ZBTB11: variants seen among roughly 807,000 people sequenced by gnomAD.
ZBTB11 encodes zinc finger and BTB domain-containing protein 11.
A neutral mutation model predicts 113.1 loss-of-function variants in ZBTB11; 68 were observed. That is an observed-to-expected ratio of 0.60 (90% CI 0.49 to 0.74). ZBTB11 has a LOEUF of 0.74. Ranked by LOEUF, ZBTB11 falls within the 30% of genes least tolerant of loss-of-function variation. ZBTB11 has a pLI of 0.00. For synonymous variants in ZBTB11, 518 were observed against 452.6 expected (o/e 1.14, Z -1.83); for missense variants, 1,104 against 1,279.4 (o/e 0.86, Z 2.09).
chr3:101,671,080 T>A, intron 3 of ZBTB11, 50 bp downstream of exon 3: 1 of 1,496,526 alleles, frequency 6.7e-7, no homozygotes, highest in Middle Eastern at 1.7e-4. Flanking sequence ...TATCCCCCTC[T>A]TCTAGAATGT....
In ZBTB11 at chr3:101,665,706, T is replaced by C; in HGVS notation, c.881A>G (p.His294Arg). The change falls in exon 4 of 11, where the codon CAT becomes CGT. Residue 294 changes from histidine (H) to arginine (R), a missense_variant. Physicochemically the swap from His to Arg is conservative, Grantham distance 29. This residue lies in a region of ZBTB11 where 86 missense variants were observed against 131.0 expected (regional missense o/e 0.66). Transcript: ENST00000312938. Reference sequence around the variant, plus strand: ...CTCTAAGACTTCTGACATGAAAAGATGACGAGCTAAGATGGCTACATCAGC... The same window carrying C: ...CTCTAAGACTTCTGACATGAAAAGACGACGAGCTAAGATGGCTACATCAGC... ...SMADVAILARHLFMSEVLEIC... is the reference protein window; with the variant it reads ...SMADVAILARRLFMSEVLEIC... 1 of 1,614,168 alleles carries C rather than the reference T, an allele frequency of 6.2e-7. No individual in the cohort carries two copies. Among genetic ancestry groups the C allele is most frequent in the Non-Finnish European group, 8.5e-7 (1 of 1,180,032 alleles).
rs1159958157 is a variant in ZBTB11 at position 101,648,909 on chromosome 3, C to T, written c.*2257G>A. 5 of 152,332 alleles carry T rather than the reference C, an allele frequency of 3.3e-5. No individual in the cohort carries two copies. The South Asian group carries it at 8.3e-4, about 25-fold the overall frequency. The allele number at this position is 152,332 out of a possible 1,614,324, so 9.4% of individuals were successfully genotyped here. ...GTCCAGCGTCCAGGAAGAATCAGGT[C>T]ACATGGACAAATTGAAGGATGGTAA... On this transcript the variant is annotated 3_prime_UTR_variant, in exon 11 of 11. Transcript: ENST00000312938.
In ZBTB11 at chr3:101,649,027, CA is replaced by C. The variant is rs1936650861; in HGVS notation, c.*2138del. 1 of 152,234 alleles carries C rather than the reference CA, an allele frequency of 6.6e-6. No individual in the cohort carries two copies. The highest frequency in any genetic ancestry group is 2.4e-5 in the African/African-American group (1 of 41,434). The allele number at this position is 152,234 out of a possible 1,614,324, so 9.4% of individuals were successfully genotyped here. On this transcript the variant is annotated 3_prime_UTR_variant, in exon 11 of 11. Transcript: ENST00000312938. ...TGGAGTGGGAAGATGATCTCCTCTCCAACCGTCCCCAGCTGAACTCCTCTGG... is the reference window on the plus strand; with the variant it reads ...TGGAGTGGGAAGATGATCTCCTCTCCACCGTCCCCAGCTGAACTCCTCTGG...
chr3:101,654,926 G>A, intron 7 of ZBTB11, 105 bp from the exon 8 acceptor site: 1 of 792,340 alleles, frequency 1.3e-6, no homozygotes, highest in Admixed American at 2.1e-5. Flanking sequence ...CAGGTTGGAT[G>A]GAGTGCAGTG....
At chr3:101,676,417 C>G in intron 1 of ZBTB11, 188 bp downstream of exon 1, 1 of 583,290 alleles carries the variant, frequency 1.7e-6, no homozygotes, top group Non-Finnish European at 2.7e-6. Context: ...CCAGCTTCGC[C>G]GGCCTCCTTC....
chr3:101,652,423 G>A, intron 10 of ZBTB11, 73 bp downstream of exon 10: 5 of 1,425,352 alleles, frequency 3.5e-6, no homozygotes, highest in Non-Finnish European at 4.8e-6. Flanking sequence ...AGGTGAAAGA[G>A]CTGGTAAAGG....
At chr3:101,656,023 C>T in intron 7 of ZBTB11, 81 bp downstream of exon 7, 1 of 1,108,012 alleles carries the variant, frequency 9.0e-7, no homozygotes, top group South Asian at 2.2e-5. Context: ...ATCAGTTTAT[C>T]AATATAATTT....
rs1937083462 is a variant in ZBTB11 at position 101,671,420 on chromosome 3, A to G, written c.547-59T>C. 25 of 1,298,324 alleles carry G rather than the reference A, an allele frequency of 1.9e-5. No individual in the cohort carries two copies. The South Asian group carries it at 3.1e-4, about 16-fold the overall frequency. The allele number at this position is 1,298,324 out of a possible 1,614,324, so 80.4% of individuals were successfully genotyped here. On this transcript the variant is annotated intron_variant, in intron 2 of 10. Transcript: ENST00000312938. ...ATTACCTGTATTTTTTACCCTTAAC[A>G]AGCTTTAAAACAAGACACATTACAT...
intron 1 of ZBTB11, among the ~76,000 whole-genome samples, chr3:101,672,878 TG>T (rs1479304516): frequency 6.6e-6 from 1 of 152,268 alleles, no homozygotes; most frequent in African/African-American, 2.4e-5. Context: ...ACCAGTTCTC[TG>T]ATCTTTGTCC....
intron 5 of ZBTB11, among the ~76,000 whole-genome samples, chr3:101,662,490 G>GGC (rs1278294595): frequency 6.6e-6 from 1 of 152,102 alleles, no homozygotes. Flanking sequence ...CGGGTATGGT[G>GGC]GCGCATGCCT....
In ZBTB11 at chr3:101,671,263, A is replaced by G. The variant is rs1351176051; in HGVS notation, c.645T>C (p.Asp215=). ...NEQRLSNQFC[D]VTLLIEGEEY... ...CTTCTCCTTCAATTAACAAAGTAAC[A>G]TCACAGAACTGGTTGGAAAGTCTCT... Residue 215 remains aspartate, a synonymous_variant, in exon 3 of 11, where the codon GAT becomes GAC. Coordinates refer to ENST00000312938, the MANE Select transcript of ZBTB11 (RefSeq NM_014415.4). The G allele has an allele frequency of 8.7e-6, 14 of 1,614,096 alleles. No homozygotes were observed. The highest frequency in any genetic ancestry group is 1.0e-5 in the Non-Finnish European group (12 of 1,180,032).
chr3:101,651,750 C>G (rs1936707200), intron 10 of ZBTB11, 67 bp from the exon 11 acceptor site: 1 of 1,450,950 alleles, frequency 6.9e-7, no homozygotes, highest in Middle Eastern at 1.9e-4. Flanking sequence ...AAACTGCCTA[C>G]CAAACTTCCT....
chr3:101,664,785 T>C (rs1936952677), intron 4 of ZBTB11, 71 bp from the exon 5 acceptor site: 2 of 1,502,504 alleles, frequency 1.3e-6, no homozygotes, highest in South Asian at 2.7e-5. Flanking sequence ...TGTTGTAAAT[T>C]TCTAACAAAA....
intron 1 of ZBTB11, among the ~76,000 whole-genome samples, chr3:101,673,281 C>T (rs1397292288): frequency 1.3e-5 from 2 of 152,102 alleles, no homozygotes; most frequent in Non-Finnish European, 2.9e-5. Flanking sequence ...AGGTATGTAG[C>T]TTGTCCAAAG....
chr3:101,663,297 C>G (rs1350619935), intron 5 of ZBTB11, among the ~76,000 whole-genome samples: 1 of 152,078 alleles, frequency 6.6e-6, no homozygotes, highest in Non-Finnish European at 1.5e-5. Context: ...GTCTTGAAAT[C>G]TTGAGCTCAA....
chr3:101,671,051 CGTGT>C, intron 3 of ZBTB11, 75 bp downstream of exon 3: 1 of 1,196,636 alleles, frequency 8.4e-7, no homozygotes, highest in Non-Finnish European at 1.2e-6. Context: ...GCATAAAGTC[CGTGT>C]GTGGAAGACA....
chr3:101,660,681 T>TA (rs1377723103), intron 5 of ZBTB11, among the ~76,000 whole-genome samples: 3 of 152,266 alleles, frequency 2.0e-5, no homozygotes, highest in East Asian at 3.9e-4. Context: ...ACTCCCTACT[T>TA]AGATATGTAA....
At chr3:101,669,971 G>A (rs1224419690) in intron 3 of ZBTB11, among the ~76,000 whole-genome samples, 1 of 152,054 alleles carries the variant, frequency 6.6e-6, no homozygotes, top group East Asian at 1.9e-4. Context: ...TGGGATTACA[G>A]GCATGCGCCA....
intron 5 of ZBTB11, among the ~76,000 whole-genome samples, chr3:101,664,031 T>TTTTA (rs968227168): frequency 1.8e-4 from 27 of 152,234 alleles, no homozygotes; most frequent in Non-Finnish European, 3.7e-4. Context: ...GGAGTTATGG[T>TTTTA]TTTATCCTTT....
Sources: allele counts gnomAD v4.1 joint callset (sites outside exome capture counted in the v4.1 genomes callset), GRCh38; gene constraint gnomAD v4.1.1; regional missense constraint gnomAD v4.1.1; transcripts MANE v1.5; gene names NCBI Gene and HGNC (gene_info 2026-07-23, HGNC 2026-07-21).